The following GALNT13 variants were observed in gnomAD, a reference collection of about 807,000 sequenced individuals.
GALNT13 encodes the protein UDP-GalNAc:polypeptide N-acetylgalactosaminyltransferase 13.
In GALNT13, 28 loss-of-function variants were observed where a neutral mutation model predicts 64.2. The observed-to-expected ratio is 0.44, with a 90% confidence interval of 0.32 to 0.60. The LOEUF (loss-of-function observed/expected upper bound fraction) is 0.60, where lower values mean the gene tolerates loss of function less well. GALNT13 is among the 20% of genes least tolerant of loss of function. GALNT13 has a pLI of 0.05. For synonymous variants in GALNT13, 214 were observed against 224.6 expected (o/e 0.95, Z 0.42); for missense variants, 577 against 669.8 (o/e 0.86, Z 1.53).
chr2:153,182,066 C>T, the GALNT13 span, among the ~76,000 whole-genome samples: 27 of 149,284 alleles, frequency 1.8e-4, no homozygotes, highest in Non-Finnish European at 2.5e-4. Context: ...CTTTTTGAGG[C>T]GGGGTCTCGC....
At chr2:153,678,282 T>A in the GALNT13 span, among the ~76,000 whole-genome samples, 2 of 151,846 alleles carry the variant, frequency 1.3e-5, no homozygotes. Flanking sequence ...TCAACATAGG[T>A]GTCCATCAGT....
intron 4 of GALNT13, among the ~76,000 whole-genome samples, chr2:154,223,448 C>CTTT (rs61230257): frequency 4.8e-5 from 6 of 124,308 alleles, no homozygotes; most frequent in Non-Finnish European, 8.3e-5. Context: ...TTTTCTTTTT[C>CTTT]TTTTTTTTTT....
At chr2:153,370,225 T>C in the GALNT13 span, among the ~76,000 whole-genome samples, 1 of 152,184 alleles carries the variant, frequency 6.6e-6, no homozygotes, top group Non-Finnish European at 1.5e-5. Flanking sequence ...CTTAGATGGC[T>C]TCATTCATGA....
At chr2:153,329,395 AGT>A in the GALNT13 span, among the ~76,000 whole-genome samples, 2 of 152,226 alleles carry the variant, frequency 1.3e-5, no homozygotes, top group African/African-American at 4.8e-5. Flanking sequence ...TCTTATCAAC[AGT>A]GTATAAGAAT....
the GALNT13 span, among the ~76,000 whole-genome samples, chr2:153,440,104 C>T: frequency 6.6e-6 from 1 of 152,008 alleles, no homozygotes; most frequent in African/African-American, 2.4e-5. Context: ...CTCCCCTAGC[C>T]CCCCACCCCC....
chr2:154,356,676 G>T (rs947715090), intron 9 of GALNT13, among the ~76,000 whole-genome samples: 1 of 151,686 alleles, frequency 6.6e-6, no homozygotes, highest in Non-Finnish European at 1.5e-5. Context: ...CCAAACCTCC[G>T]CCATTAATTT....
chr2:154,051,942 T>C (rs1699643628), intron 3 of GALNT13, among the ~76,000 whole-genome samples: 1 of 152,188 alleles, frequency 6.6e-6, no homozygotes, highest in Non-Finnish European at 1.5e-5. Context: ...TTTCTCAGTG[T>C]GCATACCTGT....
At chr2:153,082,354 A>G in the GALNT13 span, among the ~76,000 whole-genome samples, 1 of 151,448 alleles carries the variant, frequency 6.6e-6, no homozygotes, top group Non-Finnish European at 1.5e-5. Flanking sequence ...TATCACTCTT[A>G]TGCCTTTGCA....
intron 3 of GALNT13, among the ~76,000 whole-genome samples, chr2:154,011,365 A>G (rs1043408325): frequency 1.3e-5 from 2 of 151,966 alleles, no homozygotes; most frequent in African/African-American, 4.8e-5. Context: ...AGGTTGTTTA[A>G]TTTTCATGTA....
the GALNT13 span, among the ~76,000 whole-genome samples, chr2:153,448,968 C>T: frequency 1.3e-5 from 2 of 152,110 alleles, no homozygotes; most frequent in African/African-American, 4.8e-5. Flanking sequence ...CACCAGAGAG[C>T]GCGTGTGTGC....
chr2:153,494,046 A>C, the GALNT13 span, among the ~76,000 whole-genome samples: 982 of 152,118 alleles, frequency 6.5e-3, 10 homozygotes, highest in African/African-American at 0.023. Context: ...GTATAACAGC[A>C]ACAAATAACA....
intron 3 of GALNT13, among the ~76,000 whole-genome samples, chr2:154,126,430 T>G (rs1027680459): frequency 2.0e-5 from 3 of 152,018 alleles, no homozygotes; most frequent in Non-Finnish European, 4.4e-5. Flanking sequence ...GGTCAGGGGA[T>G]GGAGACCATC....
intron 1 of GALNT13, among the ~76,000 whole-genome samples, chr2:153,895,621 C>T (rs1574064493): frequency 1.3e-5 from 2 of 152,150 alleles, no homozygotes; most frequent in Non-Finnish European, 1.5e-5. Context: ...TTTGTCATGA[C>T]TATAACTGGC....
the GALNT13 span, among the ~76,000 whole-genome samples, chr2:153,288,181 A>T: frequency 6.6e-6 from 1 of 152,208 alleles, no homozygotes; most frequent in South Asian, 2.1e-4. Flanking sequence ...TGTTGCAGTA[A>T]TGTTTGTAAT....
At chr2:154,036,318 A>C (rs1299649898) in intron 3 of GALNT13, among the ~76,000 whole-genome samples, 1 of 152,110 alleles carries the variant, frequency 6.6e-6, no homozygotes, top group East Asian at 1.9e-4. Flanking sequence ...CTAATTGCCT[A>C]GAACGTAAAC....
chr2:153,658,895 G>A, the GALNT13 span, among the ~76,000 whole-genome samples: 3 of 151,628 alleles, frequency 2.0e-5, no homozygotes, highest in Non-Finnish European at 4.4e-5. Flanking sequence ...AAACACATCT[G>A]TTGACCCATT....
the GALNT13 span, among the ~76,000 whole-genome samples, chr2:153,800,132 T>C: frequency 6.6e-6 from 1 of 150,564 alleles, no homozygotes; most frequent in African/African-American, 2.4e-5. Context: ...AAATTGCAGG[T>C]TTGTTTCCAG....
At chr2:153,849,634 G>A in the GALNT13 span, among the ~76,000 whole-genome samples, 1 of 152,138 alleles carries the variant, frequency 6.6e-6, no homozygotes, top group East Asian at 1.9e-4. Context: ...CCTGAGTTGA[G>A]GGGATTGAAC....
the GALNT13 span, among the ~76,000 whole-genome samples, chr2:153,512,820 GA>G: frequency 6.6e-6 from 1 of 152,164 alleles, no homozygotes; most frequent in African/African-American, 2.4e-5. Context: ...TTAGGGGACA[GA>G]AAAACAGATG....
Sources: gnomAD v4.1 joint callset for allele counts (sites outside exome capture counted in the v4.1 genomes callset) on GRCh38, gnomAD v4.1.1 for gene constraint, MANE v1.5 for transcripts, NCBI Gene and HGNC (gene_info 2026-07-23, HGNC 2026-07-21) for gene names.